Variants in SCOC observed in about 807,000 individuals in gnomAD.
The protein encoded by SCOC is short coiled coil protein.
A neutral mutation model predicts 9.9 loss-of-function variants in SCOC; 7 were observed. The observed-to-expected ratio is 0.71, with a 90% CI of 0.40 to 1.33. The LOEUF (loss-of-function observed/expected upper bound fraction) is 1.33, where lower values mean the gene tolerates loss of function less well. SCOC is among the 40% of genes most tolerant of loss of function. The probability of loss-of-function intolerance (pLI) is 0.01; values close to 1 mark genes in which losing one functional copy is unlikely to be tolerated. For synonymous variants in SCOC, 19 were observed against 28.2 expected (o/e 0.67, Z 1.03); for missense variants, 66 against 89.7 (o/e 0.74, Z 1.07).
At chr4:140,338,439 T>G (rs1733022024) in intron 1 of SCOC, among the ~76,000 whole-genome samples, 1 of 152,224 alleles carries the variant, frequency 6.6e-6, no homozygotes, top group African/African-American at 2.4e-5. Flanking sequence ...GTGTTGTAAG[T>G]TCTGGCCAGG....
At chr4:140,322,989 G>A (rs1235756446) in intron 1 of SCOC, among the ~76,000 whole-genome samples, 1 of 151,910 alleles carries the variant, frequency 6.6e-6, no homozygotes, top group Non-Finnish European at 1.5e-5. Flanking sequence ...AAATAATATA[G>A]AACATAAATA....
intron 1 of SCOC, among the ~76,000 whole-genome samples, chr4:140,302,266 T>G (rs750148863): frequency 5.9e-5 from 9 of 152,234 alleles, no homozygotes; most frequent in Non-Finnish European, 1.3e-4. Context: ...TTGCATCTCC[T>G]GTCCACAGAA....
chr4:140,331,730 G>A (rs1442170180), intron 1 of SCOC, among the ~76,000 whole-genome samples: 2 of 152,096 alleles, frequency 1.3e-5, no homozygotes. Flanking sequence ...CACCTTCACA[G>A]CTCTCAAGTT....
intron 1 of SCOC, among the ~76,000 whole-genome samples, chr4:140,308,383 T>G (rs922949845): frequency 3.9e-5 from 6 of 152,078 alleles, no homozygotes; most frequent in Non-Finnish European, 7.4e-5. Context: ...CTGGGAGGAT[T>G]TCTGGTGTTT....
At chr4:140,278,062 A>G (rs1488552834) in intron 1 of SCOC, among the ~76,000 whole-genome samples, 1 of 152,252 alleles carries the variant, frequency 6.6e-6, no homozygotes, top group African/African-American at 2.4e-5. Context: ...AACTAAGTAT[A>G]GTTGGCTAAA....
At chr4:140,344,379 A>G (rs1726628417) in intron 2 of SCOC, among the ~76,000 whole-genome samples, 1 of 152,154 alleles carries the variant, frequency 6.6e-6, no homozygotes. Context: ...CTTTAGCGCA[A>G]TCATAGTATG....
At chr4:140,276,940 C>G (rs924350160) in intron 1 of SCOC, among the ~76,000 whole-genome samples, 39 of 152,084 alleles carry the variant, frequency 2.6e-4, no homozygotes, top group African/African-American at 9.4e-4. Flanking sequence ...AATGTAAATG[C>G]TAATAATATT....
upstream of SCOC, among the ~76,000 whole-genome samples, chr4:140,371,395 T>A (rs1033686917): frequency 1.3e-5 from 2 of 152,240 alleles, no homozygotes. Context: ...GAGTTTTGTT[T>A]GTCACATTTT....
chr4:140,293,186 AG>A (rs1560686921), intron 1 of SCOC: 1 of 412,746 alleles, frequency 2.4e-6, no homozygotes, highest in Non-Finnish European at 4.8e-6. Context: ...CTCCCCCAAC[AG>A]AATGTTTTCT....
intron 1 of SCOC, among the ~76,000 whole-genome samples, chr4:140,279,471 A>AT (rs911876544): frequency 1.3e-5 from 2 of 152,224 alleles, no homozygotes; most frequent in Admixed American, 1.3e-4. Context: ...ACTGCTTGGA[A>AT]TTTTTTTAAA....
At chr4:140,317,849 T>A (rs1327725394) in intron 1 of SCOC, among the ~76,000 whole-genome samples, 1 of 54,094 alleles carries the variant, frequency 1.8e-5, no homozygotes, top group Non-Finnish European at 3.3e-5. Context: ...CCCTCCCCCC[T>A]CCCCCCTCCC....
At chr4:140,271,822 G>A (rs1168539611) in intron 1 of SCOC, among the ~76,000 whole-genome samples, 1 of 152,080 alleles carries the variant, frequency 6.6e-6, no homozygotes. Flanking sequence ...ATCAAACAGG[G>A]TCTCTGCCAC....
chr4:140,345,904 C>T (rs1453593536), intron 2 of SCOC, among the ~76,000 whole-genome samples: 1 of 152,162 alleles, frequency 6.6e-6, no homozygotes, highest in Non-Finnish European at 1.5e-5. Flanking sequence ...GCAATAGTTT[C>T]AATACATTTA....
chr4:140,322,240 G>T (rs1732521663), intron 1 of SCOC, among the ~76,000 whole-genome samples: 1 of 152,186 alleles, frequency 6.6e-6, no homozygotes, highest in African/African-American at 2.4e-5. Context: ...TTGTAACTGG[G>T]TGATGGGTAG....
At chr4:140,319,643 T>C (rs112419591) in intron 1 of SCOC, among the ~76,000 whole-genome samples, 11 of 152,250 alleles carry the variant, frequency 7.2e-5, no homozygotes, top group African/African-American at 2.6e-4. Flanking sequence ...TCTCTAAAAC[T>C]TTCAAGATCA....
chr4:140,369,127 C>A (rs4956386), upstream of SCOC, among the ~76,000 whole-genome samples: 1 of 152,200 alleles, frequency 6.6e-6, no homozygotes, highest in East Asian at 1.9e-4. Flanking sequence ...GAAAATGACT[C>A]ATCAAATTTA....
chr4:140,325,467 C>A (rs887519968), intron 1 of SCOC, among the ~76,000 whole-genome samples: 1 of 152,076 alleles, frequency 6.6e-6, no homozygotes, highest in African/African-American at 2.4e-5. Flanking sequence ...ATGTCTCTCT[C>A]TATATAATGA....
At chr4:140,362,912 C>G (rs1035230710) in intron 2 of SCOC, 1 of 152,108 alleles carries the variant, frequency 6.6e-6, no homozygotes, top group African/African-American at 2.4e-5. Context: ...CTGGGATGGG[C>G]CCTGAGTGTC....
chr4:140,373,930 T>A (rs1401143380), intron 1 of SCOC: 1 of 699,784 alleles, frequency 1.4e-6, no homozygotes. Flanking sequence ...CCTGTTTTCG[T>A]TGTCAGGCCC....
Sources: allele counts gnomAD v4.1 joint callset (sites outside exome capture counted in the v4.1 genomes callset), GRCh38; gene constraint gnomAD v4.1.1; transcripts MANE v1.5; gene names NCBI Gene and HGNC (gene_info 2026-07-23, HGNC 2026-07-21).